AKAP7: variants seen among roughly 807,000 people sequenced by gnomAD.
AKAP7 encodes the protein A kinase (PRKA) anchor protein 7.
AKAP7 carries 39 observed loss-of-function variants against 39.5 expected under a neutral mutation model. That is an observed-to-expected ratio of 0.99 (90% CI 0.76 to 1.29). The LOEUF (loss-of-function observed/expected upper bound fraction) is 1.29. AKAP7 is among the 50% of genes most tolerant of loss of function. The pLI is 0.00. For synonymous variants in AKAP7, 140 were observed against 139.1 expected (o/e 1.01, Z -0.05); for missense variants, 414 against 407.7 (o/e 1.02, Z -0.13).
intron 7 of AKAP7, among the ~76,000 whole-genome samples, chr6:131,269,925 G>T (rs1212830406): frequency 6.6e-6 from 1 of 152,112 alleles, no homozygotes; most frequent in Non-Finnish European, 1.5e-5. Context: ...GTTGAGATGT[G>T]TCTAAAACAG....
At position 131,215,387 on chromosome 6, in the gene AKAP7, A is replaced by G. The variant is rs140657605; in HGVS notation, c.703-4274A>G. On this transcript the variant is annotated intron_variant, in intron 6 of 7. Coordinates refer to ENST00000431975, the MANE Select transcript of AKAP7 (RefSeq NM_016377.4). ...GGACATGATCTGAAATCACCATGCT[A>G]TTCTGGAGCTCATTGGTTGGTGCAG... 2.9e-3 allele frequency among the ~76,000 whole-genome samples: 448 copies of G among 152,332 alleles called. 1 individual carries two copies. Among genetic ancestry groups the G allele is most frequent in the South Asian group, 7.9e-3 (38 of 4,820 alleles).
At chr6:131,280,950 G>C (rs1327504847) in intron 7 of AKAP7, among the ~76,000 whole-genome samples, 1 of 152,034 alleles carries the variant, frequency 6.6e-6, no homozygotes, top group African/African-American at 2.4e-5. Flanking sequence ...TTAAATTGCA[G>C]TGATAGCACT....
intron 2 of AKAP7, among the ~76,000 whole-genome samples, chr6:131,156,669 A>C (rs576777693): frequency 6.6e-6 from 1 of 152,162 alleles, no homozygotes; most frequent in South Asian, 2.1e-4. Flanking sequence ...ACAAAAAAAG[A>C]ACTGTTCAGG....
At position 131,281,723 on chromosome 6, in the gene AKAP7, A is replaced by G; in HGVS notation, c.1044A>G (p.Lys348=). The G allele has an allele frequency of 6.3e-7, 1 of 1,598,986 alleles. No homozygotes were observed. Among genetic ancestry groups the G allele is most frequent in the Middle Eastern group, 1.7e-4 (1 of 5,824 alleles). ...GCAATGACAATGAGAACAACAGGAA[A>G]TGAGCCCGGAACGCAGGCCCCCATG... ...QNGNDNENNR[K] is the part of the protein sequence containing the mutation. The change falls in exon 8 of 8, where the codon AAA becomes AAG. Residue 348 remains lysine, a synonymous_variant. Coordinates refer to ENST00000431975, the MANE Select transcript of AKAP7 (RefSeq NM_016377.4). This position sits in a 1 kb window ranked among gnomAD's most constrained non-coding sequence, Gnocchi z 4.0.
intron 5 of AKAP7, among the ~76,000 whole-genome samples, chr6:131,182,656 G>A (rs1805381706): frequency 6.6e-6 from 1 of 152,154 alleles, no homozygotes; most frequent in African/African-American, 2.4e-5. Context: ...TTTTGGATAT[G>A]TAACCAGAAG....
intron 6 of AKAP7, among the ~76,000 whole-genome samples, chr6:131,210,083 G>T (rs1224159216): frequency 6.6e-6 from 1 of 152,182 alleles, no homozygotes; most frequent in Non-Finnish European, 1.5e-5. Flanking sequence ...GTGAAAGAAG[G>T]TAAAGCTGTA....
At chr6:131,132,004 T>C (rs116199284), upstream of AKAP7, among the ~76,000 whole-genome samples, 1,252 of 152,252 alleles carry the variant, frequency 8.2e-3, 15 homozygotes, top group African/African-American at 0.027. Flanking sequence ...CCAGTTAATA[T>C]TGAAAATCAA....
chr6:131,164,387 C>T (rs1319398519), intron 3 of AKAP7: 2 of 455,492 alleles, frequency 4.4e-6, no homozygotes, highest in South Asian at 3.1e-5. Context: ...TCATTCCTCT[C>T]CCTGTTTCAG....
At chr6:131,257,258 A>T (rs1812937900) in intron 7 of AKAP7, among the ~76,000 whole-genome samples, 1 of 151,678 alleles carries the variant, frequency 6.6e-6, no homozygotes, top group Non-Finnish European at 1.5e-5. Context: ...CATGGCAAAA[A>T]TTAACTGGGT....
At chr6:131,252,009 T>C (rs913949634) in intron 7 of AKAP7, among the ~76,000 whole-genome samples, 1 of 152,254 alleles carries the variant, frequency 6.6e-6, no homozygotes, top group African/African-American at 2.4e-5. Flanking sequence ...TCTGTTCCAC[T>C]GCTCAGGGTT....
chr6:131,149,507 T>C (rs1801743576), intron 2 of AKAP7, among the ~76,000 whole-genome samples: 1 of 152,074 alleles, frequency 6.6e-6, no homozygotes, highest in African/African-American at 2.4e-5. Context: ...TGGTGGCACG[T>C]ACCTGTAAGC....
chr6:131,258,643 G>T (rs1031898876), intron 7 of AKAP7, among the ~76,000 whole-genome samples: 2 of 152,142 alleles, frequency 1.3e-5, no homozygotes, highest in African/African-American at 4.8e-5. Flanking sequence ...AAAGTTCTTT[G>T]CCCTTAGCAA....
In AKAP7 at chr6:131,281,417, T is replaced by C. The variant is rs1270998777; in HGVS notation, c.851-113T>C. On this transcript the variant is annotated intron_variant, in intron 7 of 7. Coordinates refer to ENST00000431975, the MANE Select transcript of AKAP7 (RefSeq NM_016377.4). The surrounding 1 kb of genome is among the most constrained non-coding windows in gnomAD (Gnocchi z 4.0). ...AGCCAACCCACTGTTCTTGAATTTA[T>C]AGATCCAATTTACACTTGCTCTTTT... 3 of 804,828 alleles carry C rather than the reference T, an allele frequency of 3.7e-6. No individual in the cohort carries two copies. Among genetic ancestry groups the C allele is most frequent in the Non-Finnish European group, 5.5e-6 (3 of 542,660 alleles). The allele number at this position is 804,828 out of a possible 1,614,324, so 49.9% of individuals were successfully genotyped here.
chr6:131,191,893 G>A (rs1806445189), intron 5 of AKAP7, among the ~76,000 whole-genome samples: 1 of 146,682 alleles, frequency 6.8e-6, no homozygotes, highest in South Asian at 2.2e-4. Context: ...ACCCAGCTTA[G>A]CCTCCCAAGT....
chr6:131,244,330 C>G (rs1313317900), intron 7 of AKAP7, among the ~76,000 whole-genome samples: 1 of 152,170 alleles, frequency 6.6e-6, no homozygotes, highest in Non-Finnish European at 1.5e-5. Context: ...CCCGTTGACA[C>G]AAGAGTTAAC....
At chr6:131,223,980 G>A (rs1190032408) in intron 7 of AKAP7, among the ~76,000 whole-genome samples, 1 of 152,064 alleles carries the variant, frequency 6.6e-6, no homozygotes, top group Non-Finnish European at 1.5e-5. Flanking sequence ...TTTCCATCAA[G>A]CTTCTTTATT....
intron 7 of AKAP7, among the ~76,000 whole-genome samples, chr6:131,235,854 T>C (rs1167332032): frequency 6.6e-6 from 1 of 152,236 alleles, no homozygotes; most frequent in Non-Finnish European, 1.5e-5. Flanking sequence ...TCCCATTCTG[T>C]ATGTTGCCTG....
chr6:131,191,554 A>G lies in AKAP7; in HGVS notation c.590-7907A>G, dbSNP rs545418622. Among the ~76,000 whole-genome samples, 5 of 152,050 alleles carry G rather than the reference A, an allele frequency of 3.3e-5. No individual in the cohort carries two copies. The South Asian group carries it at 1.0e-3, about 32-fold the overall frequency. On this transcript the variant is annotated intron_variant, in intron 5 of 7. Transcript: ENST00000431975. ...TTCATAGACTTCCTTGCTGCTAGGGAAGGAAAATATGATCTTGGTCTGATG... is the reference window on the plus strand; with the variant it reads ...TTCATAGACTTCCTTGCTGCTAGGGGAGGAAAATATGATCTTGGTCTGATG...
At chr6:131,142,387 C>T (rs1464929908) in intron 1 of AKAP7, among the ~76,000 whole-genome samples, 1 of 152,254 alleles carries the variant, frequency 6.6e-6, no homozygotes, top group Non-Finnish European at 1.5e-5. Flanking sequence ...AGTTTCTCCA[C>T]CTCCAGCTGT....
Sources: gnomAD v4.1 joint callset for allele counts (sites outside exome capture counted in the v4.1 genomes callset) on GRCh38, gnomAD v4.1.1 for gene constraint, Gnocchi (gnomAD v3.1) non-coding constraint, MANE v1.5 for transcripts, NCBI Gene and HGNC (gene_info 2026-07-23, HGNC 2026-07-21) for gene names.